The following SPEG variants were observed in gnomAD, a reference collection of about 807,000 sequenced individuals.
SPEG encodes the protein striated muscle preferentially expressed protein kinase.
A neutral mutation model predicts 300.4 loss-of-function variants in SPEG; 114 were observed. That is an observed-to-expected ratio of 0.38 (90% confidence interval 0.33 to 0.44). SPEG has a LOEUF of 0.44. SPEG is among the 20% of genes least tolerant of loss of function. The pLI, the probability that SPEG is intolerant of heterozygous loss-of-function variation, is 1.00. For missense variants in SPEG, 4,201 were observed against 4,586.2 expected, an observed-to-expected ratio of 0.92 and a Z score of 2.43; for synonymous variants, 1,964 against 2,018.9, an observed-to-expected ratio of 0.97 and a Z score of 0.73.
intron 9 of SPEG, chr2:219,466,500 G>A (rs1226753617): frequency 3.0e-5 from 33 of 1,116,934 alleles, no homozygotes; most frequent in Non-Finnish European, 3.2e-5. Context: ...GAGAGATTAC[G>A]GCATGGCATG....
At chr2:219,446,787 C>T (rs1327376554) in intron 3 of SPEG, among the ~76,000 whole-genome samples, 1 of 152,130 alleles carries the variant, frequency 6.6e-6, no homozygotes, top group East Asian at 1.9e-4. Flanking sequence ...TTTTATGCCT[C>T]AGTTTCTTCA....
At position 219,445,775 on chromosome 2, in the gene SPEG, G is replaced by A. The variant is rs1689237566; in HGVS notation, c.815+614G>A. The A allele has an allele frequency of 6.3e-6, 1 of 159,294 alleles. No homozygotes were observed. The highest frequency in any genetic ancestry group is 1.4e-5 in the Non-Finnish European group (1 of 71,788). 9.9% of individuals were successfully genotyped at this position (159,294 alleles called of 1,614,324 possible). On this transcript the variant is annotated intron_variant, in intron 3 of 40. Transcript: ENST00000312358. This position sits in a 1 kb window ranked among gnomAD's most constrained non-coding sequence, Gnocchi z 6.1. ...AGGGGGCTGGGAAAGGGAGGGGCTG[G>A]AAATGGGGCCAGGCCAGAGGGAGAG...
At position 219,473,681 on chromosome 2, in the gene SPEG, T is replaced by G; in HGVS notation, c.4272-47T>G. On this transcript the variant is annotated intron_variant, in intron 17 of 40. Transcript: ENST00000312358. The surrounding 1 kb of genome is among the most constrained non-coding windows in gnomAD (Gnocchi z 4.6). ...CAGGTCTGGCCCAGCCTGGCCGGAA[T>G]GCCCTGGGGCAAGATCTGGGTGACC... is the stretch of plus-strand genomic sequence containing the variant. 6.2e-7 allele frequency: 1 copy of G among 1,613,470 alleles called. No homozygotes were observed. The highest frequency in any genetic ancestry group is 8.5e-7 in the Non-Finnish European group (1 of 1,179,548).
intron 6 of SPEG, among the ~76,000 whole-genome samples, chr2:219,457,719 C>G (rs1486751664): frequency 6.6e-6 from 1 of 152,220 alleles, no homozygotes; most frequent in Non-Finnish European, 1.5e-5. Flanking sequence ...GAGGCTGGCC[C>G]TCGGGTGGCA....
chr2:219,443,127 G>C lies in SPEG; in HGVS notation c.389-1526G>C. On this transcript the variant is annotated intron_variant, in intron 1 of 40. Transcript: ENST00000312358. This position sits in a 1 kb window ranked among gnomAD's most constrained non-coding sequence, Gnocchi z 4.6. Reference sequence around the variant, plus strand: ...TTTCAGAAAACCGGCCATTCCCGCCGGGCCTTTGGCCGACTCACCCATGGT... The same window carrying C: ...TTTCAGAAAACCGGCCATTCCCGCCCGGCCTTTGGCCGACTCACCCATGGT... The C allele has an allele frequency of 3.1e-6, 5 of 1,612,576 alleles. No individual in the cohort carries two copies. Among genetic ancestry groups the C allele is most frequent in the Non-Finnish European group, 4.2e-6 (5 of 1,179,760 alleles).
chr2:219,453,199 C>T (rs532102596), intron 6 of SPEG, among the ~76,000 whole-genome samples: 3 of 152,184 alleles, frequency 2.0e-5, no homozygotes, highest in African/African-American at 4.8e-5. Flanking sequence ...GGGGGTGCCC[C>T]GATACTGGCT....
rs1691902686 is a variant in SPEG at position 219,471,842 on chromosome 2, C to G, written c.3716-26C>G. On this transcript the variant is annotated intron_variant, in intron 13 of 40. Coordinates refer to ENST00000312358, the MANE Select transcript of SPEG (RefSeq NM_005876.5). ...TCAAGGTATCCTCCGGGCTCAGGCC[C>G]AGTGTCACTGTCCCTCCCCTCCCAG... 1.9e-6 allele frequency: 3 copies of G among 1,613,472 alleles called. No individual in the cohort carries two copies. In the East Asian group the frequency reaches 6.7e-5, roughly 36 times the overall value.
Position 219,489,534 on chromosome 2 carries a change from G to T in SPEG, c.8516G>T (p.Gly2839Val), listed in dbSNP as rs1354555779. Residue 2839 changes from glycine to valine, a missense_variant, in exon 36 of 41, where the codon GGT (glycine) becomes GTT (valine). Transcript: ENST00000312358. ...GCCTTGTCCTCGCTCAAGGCTGTGGGTCCACCACCCCAAACCCCTCCACGA... is the reference window on the plus strand; with the variant it reads ...GCCTTGTCCTCGCTCAAGGCTGTGGTTCCACCACCCCAAACCCCTCCACGA... Reference protein sequence around the residue: ...SQALSSLKAVGPPPQTPPRRH... With the variant: ...SQALSSLKAVVPPPQTPPRRH... 2 of 1,613,354 alleles carry T rather than the reference G, an allele frequency of 1.2e-6. No homozygotes were observed. Among genetic ancestry groups the T allele is most frequent in the Non-Finnish European group, 1.7e-6 (2 of 1,179,864 alleles).
At position 219,455,140 on chromosome 2, in the gene SPEG, C is replaced by G. The variant is rs148560477; in HGVS notation, c.2440+3333C>G. Among the ~76,000 whole-genome samples the G allele has an allele frequency of 6.3e-3, 957 of 152,262 alleles. 48 individuals carry two copies. The highest frequency in any genetic ancestry group is 0.056 in the Admixed American group (863 of 15,290). ...AAATAAAAAATACATGACCAGGTAG[C>G]ACTTATTGAGTGCTTCATATATACC... On this transcript the variant is annotated intron_variant, in intron 6 of 40. Transcript: ENST00000312358.
chr2:219,451,137 G>C lies in SPEG; in HGVS notation c.2115G>C (p.Glu705Asp), dbSNP rs770766683. 6.2e-7 allele frequency: 1 copy of C among 1,611,074 alleles called. No individual in the cohort carries two copies. The highest frequency in any genetic ancestry group is 1.7e-5 in the Admixed American group (1 of 59,440). ...RRARPTSPEL[E>D]SSDDSYVSAG... ...CCCCGTTATTCCTGTGTCCGGCAGA[G>C]TCTTCGGATGACTCCTACGTGTCCG... The change falls in exon 5 of 41, where the codon GAG (glutamate) becomes GAC (aspartate). Residue 705 changes from glutamate to aspartate, a missense_variant and splice_region_variant. Transcript: ENST00000312358. This position sits in a 1 kb window ranked among gnomAD's most constrained non-coding sequence, Gnocchi z 6.4.
Position 219,451,071 on chromosome 2 carries a change from C to G in SPEG, c.2114-65C>G. 1.4e-6 allele frequency: 2 copies of G among 1,452,818 alleles called. No homozygotes were observed. Among genetic ancestry groups the G allele is most frequent in the Non-Finnish European group, 1.8e-6 (2 of 1,099,120 alleles). 90.0% of individuals were successfully genotyped at this position (1,452,818 alleles called of 1,614,324 possible). ...TTCTAGGATGCAGGCCACCAGGACT[C>G]TCTCTCCCGCTGTCATCCCTGCAGG... On this transcript the variant is annotated intron_variant, in intron 4 of 40. Transcript: ENST00000312358. The surrounding 1 kb of genome is among the most constrained non-coding windows in gnomAD (Gnocchi z 6.4).
At position 219,445,495 on chromosome 2, in the gene SPEG, A is replaced by C; in HGVS notation, c.815+334A>C. ...CATTTGGGCTCCAGTTGTCCCCAGGATCCCTCCCCCGACCCGGGGGCCCCC... is the reference window on the plus strand; with the variant it reads ...CATTTGGGCTCCAGTTGTCCCCAGGCTCCCTCCCCCGACCCGGGGGCCCCC... On this transcript the variant is annotated intron_variant, in intron 3 of 40. Coordinates refer to ENST00000312358, the MANE Select transcript of SPEG (RefSeq NM_005876.5). The surrounding 1 kb of genome is among the most constrained non-coding windows in gnomAD (Gnocchi z 6.1). 2.6e-6 allele frequency: 1 copy of C among 383,472 alleles called. No individual in the cohort carries two copies. Among genetic ancestry groups the C allele is most frequent in the South Asian group, 3.2e-5 (1 of 31,028 alleles). The allele number at this position is 383,472 out of a possible 1,614,324, so 23.8% of individuals were successfully genotyped here.
chr2:219,444,302 CT>C lies in SPEG; in HGVS notation c.389-350del, dbSNP rs1398633974. Among the ~76,000 whole-genome samples the C allele has an allele frequency of 1.3e-5, 2 of 152,122 alleles. No individual in the cohort carries two copies. Among genetic ancestry groups the C allele is most frequent in the East Asian group, 3.9e-4 (2 of 5,188 alleles). The stretch of plus-strand genomic sequence containing the variant: ...AACCTAGGACCTGATGATTTTGGGG[CT>C]GCACAGGGGCTTAAGCTTTCACTGA... On this transcript the variant is annotated intron_variant, in intron 1 of 40. Coordinates refer to ENST00000312358, the MANE Select transcript of SPEG (RefSeq NM_005876.5). The surrounding 1 kb of genome is among the most constrained non-coding windows in gnomAD (Gnocchi z 7.8).
intron 3 of SPEG, among the ~76,000 whole-genome samples, chr2:219,447,590 C>T (rs1307448563): frequency 6.6e-6 from 1 of 152,032 alleles, no homozygotes; most frequent in Non-Finnish European, 1.5e-5. Context: ...ACGCCCCTCC[C>T]CACCCCACCC....
chr2:219,460,969 G>A (rs1690627965), intron 6 of SPEG: 11 of 985,966 alleles, frequency 1.1e-5, no homozygotes, highest in Non-Finnish European at 1.1e-5. Context: ...GACAGGCACA[G>A]GCTGGGGTCT....
In SPEG at chr2:219,435,266, C is replaced by T. The variant is rs1435386034; in HGVS notation, c.289C>T (p.Arg97Cys). Residue 97 changes from arginine to cysteine, a missense_variant, in exon 1 of 41, where the codon CGC becomes TGC. By Grantham distance (180) the Arg-to-Cys change is radical. This residue lies in a region of SPEG where 1,258 missense variants were observed against 1,293.9 expected (regional missense o/e 0.97). Transcript: ENST00000312358. Reference protein sequence around the residue: ...APEPSCLWLRRCGAQDAGVYS... With the variant: ...APEPSCLWLRCCGAQDAGVYS... ...CGAGCCCAGCTGCCTGTGGCTGCGGCGCTGCGGGGCGCAGGACGCCGGCGT... is the reference window on the plus strand; with the variant it reads ...CGAGCCCAGCTGCCTGTGGCTGCGGTGCTGCGGGGCGCAGGACGCCGGCGT... The T allele has an allele frequency of 6.7e-7, 1 of 1,493,000 alleles. No homozygotes were observed. The highest frequency in any genetic ancestry group is 2.2e-5 in the Admixed American group (1 of 44,734). 92.5% of individuals were successfully genotyped at this position (1,493,000 alleles called of 1,614,324 possible). A position where few individuals can be genotyped will look rare whatever the true frequency, so the allele number is the denominator to read the frequency against.
intron 6 of SPEG, among the ~76,000 whole-genome samples, chr2:219,456,354 C>T (rs1203263752): frequency 6.6e-6 from 1 of 152,232 alleles, no homozygotes; most frequent in East Asian, 1.9e-4. Flanking sequence ...GGGAGGATGC[C>T]ACATGGCCCC....
intron 13 of SPEG, chr2:219,471,641 A>C: frequency 1.8e-6 from 1 of 569,970 alleles, no homozygotes; most frequent in Non-Finnish European, 3.1e-6. Context: ...GACAGACCAG[A>C]GGGGCCAGGG....
rs1404800115 is a variant in SPEG at position 219,492,994 on chromosome 2, G to T, written c.*208G>T. On this transcript the variant is annotated 3_prime_UTR_variant, in exon 41 of 41. Coordinates refer to ENST00000312358, the MANE Select transcript of SPEG (RefSeq NM_005876.5). ...CCACCCCAGGCCAAAGCCAGAGTGG[G>T]AGACCCATTGGTCAGGCTCAGCAGG... is the stretch of plus-strand genomic sequence containing the variant. 1 of 709,220 alleles carries T rather than the reference G, an allele frequency of 1.4e-6. No homozygotes were observed. Among genetic ancestry groups the T allele is most frequent in the Non-Finnish European group, 2.6e-6 (1 of 391,972 alleles). 43.9% of individuals were successfully genotyped at this position (709,220 alleles called of 1,614,324 possible).
Sources: allele counts gnomAD v4.1 joint callset (sites outside exome capture counted in the v4.1 genomes callset), GRCh38; gene constraint gnomAD v4.1.1; regional missense constraint gnomAD v4.1.1; non-coding constraint Gnocchi (gnomAD v3.1); transcripts MANE v1.5; gene names NCBI Gene and HGNC (gene_info 2026-07-23, HGNC 2026-07-21).